The following CEP112 variants were observed in gnomAD, a reference collection of about 807,000 sequenced individuals.
CEP112 encodes the protein centrosomal protein 112, also known as centrosomal protein of 112 kDa.
CEP112 carries 127 observed loss-of-function variants against 153.0 expected under a neutral mutation model. That is an observed-to-expected ratio of 0.83 (90% CI 0.72 to 0.96). CEP112 has a LOEUF of 0.96. Among genes scored for constraint, CEP112 ranks in the 40% least tolerant of loss-of-function variants. The probability of loss-of-function intolerance (pLI) is 0.00; values close to 1 mark genes in which losing one functional copy is unlikely to be tolerated. For missense variants in CEP112, 1,089 were observed against 1,101.2 expected, an observed-to-expected ratio of 0.99 and a Z score of 0.16; for synonymous variants, 358 against 374.4, an observed-to-expected ratio of 0.96 and a Z score of 0.51.
intron 11 of CEP112, among the ~76,000 whole-genome samples, chr17:66,058,016 C>G (rs1014215284): frequency 6.6e-6 from 1 of 151,804 alleles, no homozygotes; most frequent in Non-Finnish European, 1.5e-5. Context: ...GAGCTTGAAT[C>G]CAGGAGGCAA....
chr17:65,734,870 C>CT (rs1402694548), intron 23 of CEP112, among the ~76,000 whole-genome samples: 1 of 152,170 alleles, frequency 6.6e-6, no homozygotes, highest in African/African-American at 2.4e-5. Flanking sequence ...ATCTGAAACT[C>CT]TATCAGTGAG....
chr17:65,981,665 C>T (rs887412661), intron 17 of CEP112, among the ~76,000 whole-genome samples: 4 of 152,186 alleles, frequency 2.6e-5, no homozygotes, highest in Non-Finnish European at 5.9e-5. Flanking sequence ...GCCTCCACCA[C>T]CCAGGTTCAA....
chr17:66,074,402 T>C (rs1360696742), intron 8 of CEP112, among the ~76,000 whole-genome samples: 8 of 151,898 alleles, frequency 5.3e-5, no homozygotes, highest in Non-Finnish European at 1.5e-5. Flanking sequence ...TAGAAGCAAA[T>C]AAGAATAGGG....
chr17:65,864,103 T>C (rs2146423063), intron 20 of CEP112, among the ~76,000 whole-genome samples: 1 of 146,896 alleles, frequency 6.8e-6, no homozygotes, highest in Admixed American at 6.9e-5. Flanking sequence ...ATTGCGCCAC[T>C]ACACTCCAGC....
At chr17:66,177,669 G>A (rs193149608) in intron 2 of CEP112, among the ~76,000 whole-genome samples, 1 of 152,042 alleles carries the variant, frequency 6.6e-6, no homozygotes. Flanking sequence ...ATACTAGGTC[G>A]CATTCACTCT....
chr17:65,827,168 A>C (rs991616302), intron 21 of CEP112, among the ~76,000 whole-genome samples: 1 of 152,174 alleles, frequency 6.6e-6, no homozygotes, highest in Admixed American at 6.5e-5. Context: ...CCACAGACTG[A>C]AGGCTGCACT....
chr17:65,768,034 A>G, intron 21 of CEP112, among the ~76,000 whole-genome samples: 1 of 152,132 alleles, frequency 6.6e-6, no homozygotes, highest in Non-Finnish European at 1.5e-5. Flanking sequence ...CATGGAGGTT[A>G]GTGGTGCTGA....
intron 17 of CEP112, among the ~76,000 whole-genome samples, chr17:65,962,455 T>G (rs893792653): frequency 1.3e-5 from 2 of 152,122 alleles, no homozygotes; most frequent in Non-Finnish European, 2.9e-5. Context: ...ACTATATAGC[T>G]GAAAGGGTCC....
intron 21 of CEP112, among the ~76,000 whole-genome samples, chr17:65,764,122 C>A (rs115180135): frequency 3.8e-3 from 572 of 152,152 alleles, no homozygotes; most frequent in African/African-American, 0.013. Flanking sequence ...TTCCATCCCC[C>A]ATATAGAAGG....
intron 21 of CEP112, among the ~76,000 whole-genome samples, chr17:65,758,925 C>T (rs781566707): frequency 2.6e-5 from 4 of 152,058 alleles, no homozygotes; most frequent in Admixed American, 6.6e-5. Flanking sequence ...TAAAATGAGG[C>T]GGAGACCTAC....
chr17:65,860,064 G>A (rs575091602), intron 20 of CEP112, among the ~76,000 whole-genome samples: 11 of 149,648 alleles, frequency 7.4e-5, no homozygotes, highest in East Asian at 3.9e-4. Flanking sequence ...ATGCCATGAC[G>A]GTATATATAA....
intron 21 of CEP112, among the ~76,000 whole-genome samples, chr17:65,775,858 G>C: frequency 6.6e-6 from 1 of 152,152 alleles, no homozygotes; most frequent in Non-Finnish European, 1.5e-5. Flanking sequence ...CTTTTAAAAT[G>C]TTCCCATAAA....
chr17:65,916,889 T>C (rs1291167380), intron 19 of CEP112, among the ~76,000 whole-genome samples: 1 of 152,022 alleles, frequency 6.6e-6, no homozygotes, highest in Non-Finnish European at 1.5e-5. Context: ...AAGGTGCCAC[T>C]TGTTTTAACC....
chr17:65,828,407 G>A (rs920262585), intron 21 of CEP112, among the ~76,000 whole-genome samples: 2 of 152,144 alleles, frequency 1.3e-5, no homozygotes, highest in Non-Finnish European at 2.9e-5. Flanking sequence ...CTTCCTGCTG[G>A]TTAAGAAATG....
At chr17:66,142,055 T>C (rs2070724302) in intron 4 of CEP112, among the ~76,000 whole-genome samples, 1 of 152,234 alleles carries the variant, frequency 6.6e-6, no homozygotes, top group African/African-American at 2.4e-5. Context: ...ATCTTTTGTC[T>C]TTTTGATAAT....
chr17:65,912,983 A>G (rs67579686), intron 19 of CEP112, among the ~76,000 whole-genome samples: 26,486 of 152,230 alleles, frequency 0.17, 2,489 homozygotes, highest in Admixed American at 0.27. Context: ...GGCAAAACCC[A>G]CAACTACTTT....
chr17:66,180,559 T>C (rs919987215), intron 2 of CEP112, among the ~76,000 whole-genome samples: 3 of 152,150 alleles, frequency 2.0e-5, no homozygotes, highest in Non-Finnish European at 4.4e-5. Context: ...TTGTAGCTGA[T>C]TGATTGAGGG....
At chr17:66,135,164 A>G (rs926782466) in intron 4 of CEP112, among the ~76,000 whole-genome samples, 3 of 152,200 alleles carry the variant, frequency 2.0e-5, no homozygotes, top group Admixed American at 6.5e-5. Flanking sequence ...ACGTGCTCCA[A>G]TGAAGCCCAA....
chr17:66,173,930 T>C (rs977193180), intron 4 of CEP112, among the ~76,000 whole-genome samples: 4 of 152,182 alleles, frequency 2.6e-5, no homozygotes, highest in Admixed American at 1.3e-4. Context: ...TTTATTTATC[T>C]TTTTCTTTTC....
Sources: gnomAD v4.1 joint callset for allele counts (sites outside exome capture counted in the v4.1 genomes callset) on GRCh38, gnomAD v4.1.1 for gene constraint, MANE v1.5 for transcripts, NCBI Gene and HGNC (gene_info 2026-07-23, HGNC 2026-07-21) for gene names.